Variants in TRAT1 observed in about 807,000 individuals in gnomAD.
TRAT1 encodes the protein T-cell receptor-associated transmembrane adapter 1.
In TRAT1, 20 loss-of-function variants were observed where a neutral mutation model predicts 20.0. The observed-to-expected ratio is 1.00, with a 90% confidence interval of 0.70 to 1.45. The LOEUF is 1.45. Ranked by LOEUF, TRAT1 falls within the 40% of genes most tolerant of loss-of-function variation. The pLI, the probability that TRAT1 is intolerant of heterozygous loss-of-function variation, is 0.00. For missense variants in TRAT1, 237 were observed against 224.1 expected, an observed-to-expected ratio of 1.06 and a Z score of -0.37; for synonymous variants, 77 against 74.2, an observed-to-expected ratio of 1.04 and a Z score of -0.20.
intron 3 of TRAT1, among the ~76,000 whole-genome samples, chr3:108,840,996 G>T (rs1196382694): frequency 1.3e-5 from 2 of 152,224 alleles, no homozygotes; most frequent in Admixed American, 6.5e-5. Flanking sequence ...CTGGGCTAAA[G>T]CACTGAAGGA....
Position 108,850,337 on chromosome 3 carries a change from C to A in TRAT1, c.303+1083C>A, listed in dbSNP as rs139881136. ...TTTTTTTTTGAGACAGAGTTTTGCT[C>A]TTTGTCGCCCAGGCTGGAGTGCAAT... On this transcript the variant is annotated intron_variant, in intron 5 of 5. Coordinates refer to ENST00000295756, the MANE Select transcript of TRAT1 (RefSeq NM_016388.4). Among the ~76,000 whole-genome samples the A allele has an allele frequency of 4.2e-3, 615 of 147,070 alleles. 4 individuals are homozygous for A. Among genetic ancestry groups the A allele is most frequent in the African/African-American group, 0.015 (582 of 39,914 alleles).
intron 3 of TRAT1, among the ~76,000 whole-genome samples, chr3:108,844,074 A>T (rs1945918340): frequency 6.6e-6 from 1 of 152,120 alleles, no homozygotes; most frequent in Non-Finnish European, 1.5e-5. Flanking sequence ...ACCAAAACCA[A>T]CTTCTGATGG....
chr3:108,833,248 T>A (rs547609756), intron 2 of TRAT1, among the ~76,000 whole-genome samples: 1 of 152,220 alleles, frequency 6.6e-6, no homozygotes, highest in East Asian at 1.9e-4. Flanking sequence ...AGAAACTCCA[T>A]CTCTACTAAA....
intron 5 of TRAT1, 36 bp from the exon 6 acceptor site, chr3:108,853,584 G>A (rs550375812): frequency 8.1e-6 from 13 of 1,597,738 alleles, no homozygotes; most frequent in African/African-American, 1.3e-5. Flanking sequence ...CTAAAGAACA[G>A]ACTAACAATG....
chr3:108,827,057 G>A (rs898923522), intron 1 of TRAT1, among the ~76,000 whole-genome samples: 7 of 152,138 alleles, frequency 4.6e-5, no homozygotes, highest in Admixed American at 6.6e-5. Context: ...TTGGAAGCTG[G>A]AGAGAAACTT....
chr3:108,837,380 A>T (rs1945850183), intron 2 of TRAT1, among the ~76,000 whole-genome samples: 1 of 152,198 alleles, frequency 6.6e-6, no homozygotes, highest in Non-Finnish European at 1.5e-5. Context: ...TTCCAAACAC[A>T]TTGACATGTG....
rs117727932 is a variant in TRAT1 at position 108,847,591 on chromosome 3, G to A, written c.214+462G>A. On this transcript the variant is annotated intron_variant, in intron 4 of 5. Coordinates refer to ENST00000295756, the MANE Select transcript of TRAT1 (RefSeq NM_016388.4). ...AGGGCTGGATTGATGGCAGGTGGGA[G>A]AAAGAGGAACTAAATTGTTGCTGAG... Among the ~76,000 whole-genome samples, 93 of 152,306 alleles carry A rather than the reference G, an allele frequency of 6.1e-4. 1 individual carries two copies. The East Asian group carries it at 0.017, about 28-fold the overall frequency.
Position 108,853,909 on chromosome 3 carries a change from C to G in TRAT1, c.*32C>G. ...CATGATCTAGTTCAATGATTTGGCTCCTATTGAAGATGGCTTCTAAGAAAA... is the reference window on the plus strand; with the variant it reads ...CATGATCTAGTTCAATGATTTGGCTGCTATTGAAGATGGCTTCTAAGAAAA... On this transcript the variant is annotated 3_prime_UTR_variant, in exon 6 of 6. Transcript: ENST00000295756. 1 of 1,604,204 alleles carries G rather than the reference C, an allele frequency of 6.2e-7. No homozygotes were observed.
chr3:108,835,746 CCATCTAAA>C (rs545002392), intron 2 of TRAT1, among the ~76,000 whole-genome samples: 164 of 152,176 alleles, frequency 1.1e-3, no homozygotes, highest in African/African-American at 3.6e-3. Context: ...CCCTTTCCTT[CCATCTAAA>C]CATCACATTA....
At chr3:108,847,187 T>C in intron 4 of TRAT1, 58 bp downstream of exon 4, 1 of 1,030,886 alleles carries the variant, frequency 9.7e-7, no homozygotes. Context: ...TTTCACAAAA[T>C]AATTTAAGTG....
intron 5 of TRAT1, among the ~76,000 whole-genome samples, chr3:108,851,510 C>G (rs1576526145): frequency 6.6e-6 from 1 of 151,988 alleles, no homozygotes; most frequent in East Asian, 1.9e-4. Flanking sequence ...TGATCTTGAC[C>G]CTTTCTCCTA....
intron 5 of TRAT1, among the ~76,000 whole-genome samples, chr3:108,851,549 G>A (rs2715730): frequency 0.55 from 83,357 of 150,520 alleles, 23,385 homozygotes; most frequent in East Asian, 0.9. Context: ...ACTTTCAATT[G>A]TTGAACTTTT....
At position 108,853,810 on chromosome 3, in the gene TRAT1, A is replaced by G; in HGVS notation, c.494A>G (p.Glu165Gly). ...TCCCCAGAAAGCCAGGCAGTAGAGG[A>G]AAACATTCATGATGATCCCATCAGA... The part of the protein sequence containing the change: ...SFSPESQAVE[E>G]NIHDDPIRLF... Residue 165 changes from glutamate (E) to glycine (G), a missense_variant, in exon 6 of 6, where the codon GAA (glutamate) becomes GGA (glycine). Coordinates refer to ENST00000295756, the MANE Select transcript of TRAT1 (RefSeq NM_016388.4). 6.2e-7 allele frequency: 1 copy of G among 1,614,088 alleles called. No homozygotes were observed.
At chr3:108,840,002 C>T (rs1439662813) in intron 3 of TRAT1, among the ~76,000 whole-genome samples, 1 of 151,910 alleles carries the variant, frequency 6.6e-6, no homozygotes, top group African/African-American at 2.4e-5. Context: ...GAGGGCTCTT[C>T]AAGACCTTTC....
chr3:108,828,834 C>T (rs1241805746), intron 1 of TRAT1, among the ~76,000 whole-genome samples: 5 of 152,222 alleles, frequency 3.3e-5, no homozygotes, highest in African/African-American at 7.2e-5. Context: ...TAATGGTCGG[C>T]GAGATGGAAG....
rs1185036499 is a variant in TRAT1 at position 108,853,477 on chromosome 3, G to GT, written c.304-137dup. 1.3e-5 allele frequency: 12 copies of GT among 939,184 alleles called. No individual in the cohort carries two copies. In the South Asian group the frequency reaches 1.5e-4, roughly 12 times the overall value. 58.2% of individuals were successfully genotyped at this position (939,184 alleles called of 1,614,324 possible). A position where few individuals can be genotyped will look rare whatever the true frequency, so the allele number is the denominator to read the frequency against. On this transcript the variant is annotated intron_variant, in intron 5 of 5. Coordinates refer to ENST00000295756, the MANE Select transcript of TRAT1 (RefSeq NM_016388.4). Reference sequence around the variant, plus strand: ...GTTTTCTGTTCTGTTTTTTGTTTTTGTTTTTTGTACTGACAAATTTGGCAA... The same window carrying GT: ...GTTTTCTGTTCTGTTTTTTGTTTTTGTTTTTTTGTACTGACAAATTTGGCAA...
chr3:108,852,567 G>T (rs1559826253), intron 5 of TRAT1, among the ~76,000 whole-genome samples: 1 of 152,190 alleles, frequency 6.6e-6, no homozygotes, highest in Admixed American at 6.5e-5. Flanking sequence ...TCTTCACCCT[G>T]TTCCTGCAAA....
At chr3:108,846,307 G>A (rs1320771143) in intron 3 of TRAT1, among the ~76,000 whole-genome samples, 1 of 152,116 alleles carries the variant, frequency 6.6e-6, no homozygotes, top group Non-Finnish European at 1.5e-5. Context: ...ATAGAGAAAA[G>A]GTTTCACAAC....
Position 108,854,013 on chromosome 3 carries a change from T to A in TRAT1, c.*136T>A. 1 of 771,982 alleles carries A rather than the reference T, an allele frequency of 1.3e-6. No individual in the cohort carries two copies. The highest frequency in any genetic ancestry group is 1.8e-5 in the South Asian group (1 of 55,058). 47.8% of individuals were successfully genotyped at this position (771,982 alleles called of 1,614,324 possible). A position where few individuals can be genotyped will look rare whatever the true frequency, so the allele number is the denominator to read the frequency against. ...TTTGTTGATGGGATGGTGGCTTACC[T>A]CTTATTCACAGCTTACACTTATGCA... On this transcript the variant is annotated 3_prime_UTR_variant, in exon 6 of 6. Transcript: ENST00000295756.
Sources: allele counts gnomAD v4.1 joint callset (sites outside exome capture counted in the v4.1 genomes callset), GRCh38; gene constraint gnomAD v4.1.1; transcripts MANE v1.5; gene names NCBI Gene and HGNC (gene_info 2026-07-23, HGNC 2026-07-21).